The following DYNC1I1 variants were observed in gnomAD, a reference collection of about 807,000 sequenced individuals.
DYNC1I1 encodes dynein cytoplasmic 1 intermediate chain 1, also known as cytoplasmic dynein 1 intermediate chain 1.
Under a neutral mutation model 86.6 loss-of-function variants are expected in DYNC1I1, and 43 were observed. That is an observed-to-expected ratio of 0.50 (90% CI 0.39 to 0.64). The LOEUF (loss-of-function observed/expected upper bound fraction) is 0.64. Ranked by LOEUF, DYNC1I1 falls within the 30% of genes least tolerant of loss-of-function variation. The pLI is 0.00. For synonymous variants in DYNC1I1, 262 were observed against 283.7 expected, an observed-to-expected ratio of 0.92 and a Z score of 0.77; for missense variants, 604 against 788.8, an observed-to-expected ratio of 0.77 and a Z score of 2.81.
In DYNC1I1 at chr7:95,804,265, A is replaced by T. The variant is rs74423518; in HGVS notation, c.-9-456A>T. The T allele has an allele frequency of 1.2e-3, 896 of 717,588 alleles. 15 individuals carry two copies. In the African/African-American group the frequency reaches 0.016, roughly 13 times the overall value. 44.5% of individuals were successfully genotyped at this position (717,588 alleles called of 1,614,324 possible). On this transcript the variant is annotated intron_variant, in intron 1 of 16. Coordinates refer to ENST00000447467, the MANE Select transcript of DYNC1I1 (RefSeq NM_001135556.2). ...CAGTGGAGGAATGTTTATTGAGTCCATAGAAATTTGAGCAGGGCATATCTC... is the reference window on the plus strand; with the variant it reads ...CAGTGGAGGAATGTTTATTGAGTCCTTAGAAATTTGAGCAGGGCATATCTC...
chr7:95,923,033 A>G (rs551267325), intron 6 of DYNC1I1, among the ~76,000 whole-genome samples: 2 of 152,184 alleles, frequency 1.3e-5, no homozygotes, highest in African/African-American at 4.8e-5. Context: ...AATTTGTTTT[A>G]ATTCAGAGTT....
At chr7:95,980,518 C>T (rs1584221667) in intron 7 of DYNC1I1, among the ~76,000 whole-genome samples, 1 of 125,468 alleles carries the variant, frequency 8.0e-6, no homozygotes, top group Admixed American at 8.4e-5. Context: ...CCAGGGAACA[C>T]ATTTTTGAGA....
At chr7:96,101,063 A>G (rs1791128117), downstream of DYNC1I1, among the ~76,000 whole-genome samples, 1 of 151,972 alleles carries the variant, frequency 6.6e-6, no homozygotes, top group Non-Finnish European at 1.5e-5. Flanking sequence ...ATCCATGGGG[A>G]TGATGAGACC....
At chr7:95,999,744 A>C (rs1340597961) in intron 10 of DYNC1I1, among the ~76,000 whole-genome samples, 1 of 152,276 alleles carries the variant, frequency 6.6e-6, no homozygotes, top group Non-Finnish European at 1.5e-5. Context: ...AGCTGACTGC[A>C]CTGCTGAGTG....
chr7:96,065,015 G>A (rs1027519101), intron 14 of DYNC1I1, among the ~76,000 whole-genome samples: 3 of 151,994 alleles, frequency 2.0e-5, no homozygotes, highest in Admixed American at 2.0e-4. Context: ...AGATGGGTTC[G>A]ATTAAAATAT....
intron 6 of DYNC1I1, among the ~76,000 whole-genome samples, chr7:95,943,402 T>C (rs1792296157): frequency 6.6e-6 from 1 of 151,882 alleles, no homozygotes; most frequent in Non-Finnish European, 1.5e-5. Flanking sequence ...GAACATTCCA[T>C]GCTCATGGGT....
intron 6 of DYNC1I1, among the ~76,000 whole-genome samples, chr7:95,881,496 A>G (rs2116226720): frequency 6.6e-6 from 1 of 152,380 alleles, no homozygotes; most frequent in Admixed American, 6.5e-5. Flanking sequence ...TGTTGCAGTA[A>G]AATATATCAG....
chr7:96,030,931 C>T (rs754625054), intron 11 of DYNC1I1, among the ~76,000 whole-genome samples: 1 of 152,158 alleles, frequency 6.6e-6, no homozygotes, highest in Non-Finnish European at 1.5e-5. Context: ...CATTTAGCTT[C>T]AGATCTCTGC....
At chr7:96,053,321 C>T (rs757458080) in intron 14 of DYNC1I1, among the ~76,000 whole-genome samples, 1 of 152,226 alleles carries the variant, frequency 6.6e-6, no homozygotes, top group African/African-American at 2.4e-5. Context: ...TACATTGCCA[C>T]ACGACCTCAT....
At chr7:95,790,910 C>G (rs929194047) in intron 1 of DYNC1I1, among the ~76,000 whole-genome samples, 9 of 152,170 alleles carry the variant, frequency 5.9e-5, no homozygotes, top group Admixed American at 4.6e-4. Context: ...TTCCACTCAT[C>G]ATGACCCCAA....
intron 1 of DYNC1I1, among the ~76,000 whole-genome samples, chr7:95,781,979 G>A (rs756038559): frequency 9.2e-5 from 14 of 152,148 alleles, no homozygotes; most frequent in Admixed American, 2.0e-4. Context: ...CAACCTCAGT[G>A]GACCAACACA....
intron 6 of DYNC1I1, among the ~76,000 whole-genome samples, chr7:95,959,796 T>C (rs1792815497): frequency 6.6e-6 from 1 of 152,216 alleles, no homozygotes; most frequent in Non-Finnish European, 1.5e-5. Flanking sequence ...TTATAAGAAT[T>C]CAATGAGAGA....
At chr7:95,957,312 G>A (rs1792742766) in intron 6 of DYNC1I1, among the ~76,000 whole-genome samples, 1 of 152,072 alleles carries the variant, frequency 6.6e-6, no homozygotes, top group African/African-American at 2.4e-5. Context: ...CCTGGCATTT[G>A]GAAAGTGAAT....
chr7:95,773,128 C>T (rs1793749080), intron 1 of DYNC1I1, among the ~76,000 whole-genome samples: 1 of 152,182 alleles, frequency 6.6e-6, no homozygotes, highest in African/African-American at 2.4e-5. Flanking sequence ...GCGCTGAAAT[C>T]TGCACCCCTC....
chr7:95,828,156 T>A (rs1795243653), intron 5 of DYNC1I1, 40 bp downstream of exon 5: 54 of 1,608,598 alleles, frequency 3.4e-5, no homozygotes, highest in Non-Finnish European at 4.5e-5. Flanking sequence ...TATTATTTCT[T>A]TGCTACAGTT....
intron 5 of DYNC1I1, among the ~76,000 whole-genome samples, chr7:95,834,409 C>T (rs1263983381): frequency 9.3e-6 from 1 of 107,848 alleles, no homozygotes; most frequent in East Asian, 3.3e-4. Flanking sequence ...CAATGTTCAT[C>T]AAGGATATTG....
At chr7:95,899,237 G>C (rs1313586312) in intron 6 of DYNC1I1, among the ~76,000 whole-genome samples, 1 of 152,092 alleles carries the variant, frequency 6.6e-6, no homozygotes, top group East Asian at 1.9e-4. Flanking sequence ...AATGGGGAAG[G>C]GACCATGTTA....
At chr7:96,023,141 G>T (rs1175339977) in intron 10 of DYNC1I1, among the ~76,000 whole-genome samples, 1 of 152,094 alleles carries the variant, frequency 6.6e-6, no homozygotes, top group Non-Finnish European at 1.5e-5. Flanking sequence ...AGAAGCATCT[G>T]ATCTGTCTGC....
intron 6 of DYNC1I1, among the ~76,000 whole-genome samples, chr7:95,967,263 T>A (rs1793039894): frequency 6.6e-6 from 1 of 152,118 alleles, no homozygotes; most frequent in African/African-American, 2.4e-5. Context: ...AACAAAAGGT[T>A]GTAGGAAATA....
Sources: allele counts gnomAD v4.1 joint callset (sites outside exome capture counted in the v4.1 genomes callset), GRCh38; gene constraint gnomAD v4.1.1; transcripts MANE v1.5; gene names NCBI Gene and HGNC (gene_info 2026-07-23, HGNC 2026-07-21).